TRABD2B: variants seen among roughly 807,000 people sequenced by gnomAD.
TRABD2B encodes TraB domain containing 2B, also known as metalloprotease TIKI2.
A neutral mutation model predicts 40.1 loss-of-function variants in TRABD2B; 14 were observed. The ratio of observed to expected loss-of-function variants is 0.35; its 90% CI spans 0.23 to 0.55. The LOEUF (loss-of-function observed/expected upper bound fraction) is 0.55. Ranked by LOEUF, TRABD2B falls within the 20% of genes least tolerant of loss-of-function variation. The pLI is 0.90. For synonymous variants in TRABD2B, 263 were observed against 277.0 expected (o/e 0.95, Z 0.50); for missense variants, 541 against 648.6 (o/e 0.83, Z 1.80).
At chr1:47,773,190 C>T (rs1205288618) in intron 6 of TRABD2B, among the ~76,000 whole-genome samples, 4 of 152,198 alleles carry the variant, frequency 2.6e-5, no homozygotes, top group African/African-American at 9.6e-5. Flanking sequence ...GAGTGACCAG[C>T]CTAATTGGAA....
At chr1:47,838,944 C>T (rs760579372) in intron 2 of TRABD2B, among the ~76,000 whole-genome samples, 7 of 152,192 alleles carry the variant, frequency 4.6e-5, no homozygotes, top group Admixed American at 2.6e-4. Flanking sequence ...AGCTGGCTTG[C>T]GGCCTGGGCT....
chr1:47,974,287 T>G (rs1645723442), intron 2 of TRABD2B, among the ~76,000 whole-genome samples: 3 of 152,110 alleles, frequency 2.0e-5, no homozygotes. Context: ...AGTTACATCC[T>G]TTCTGTCCCT....
chr1:47,880,379 C>T (rs1049561417), intron 2 of TRABD2B, among the ~76,000 whole-genome samples: 14 of 152,138 alleles, frequency 9.2e-5, no homozygotes, highest in South Asian at 2.1e-4. Flanking sequence ...ATCAACCAAT[C>T]GATCATTCAG....
intron 4 of TRABD2B, among the ~76,000 whole-genome samples, chr1:47,780,572 C>A (rs1307072543): frequency 6.6e-6 from 1 of 152,098 alleles, no homozygotes; most frequent in Admixed American, 6.5e-5. Flanking sequence ...ACACAGGAGG[C>A]TGTGAGGGCA....
intron 2 of TRABD2B, among the ~76,000 whole-genome samples, chr1:47,836,057 G>A (rs1645314458): frequency 6.6e-6 from 1 of 152,066 alleles, no homozygotes; most frequent in Admixed American, 6.5e-5. Context: ...GAGCTACACA[G>A]AAAAAGTTTT....
chr1:47,953,862 GCT>G (rs1645380598), intron 2 of TRABD2B, among the ~76,000 whole-genome samples: 1 of 152,194 alleles, frequency 6.6e-6, no homozygotes, highest in Non-Finnish European at 1.5e-5. Context: ...GTGCTCCAGT[GCT>G]CTTTCTAGTA....
At chr1:47,805,144 A>G (rs1362679584) in intron 2 of TRABD2B, among the ~76,000 whole-genome samples, 1 of 151,984 alleles carries the variant, frequency 6.6e-6, no homozygotes, top group Non-Finnish European at 1.5e-5. Context: ...AGTGGACTCA[A>G]CCCCAACTCT....
chr1:47,820,591 G>A (rs1252656809), intron 2 of TRABD2B, among the ~76,000 whole-genome samples: 1 of 152,128 alleles, frequency 6.6e-6, no homozygotes, highest in Non-Finnish European at 1.5e-5. Context: ...CCTGGCTACC[G>A]GGGCATCCTT....
At chr1:47,932,278 G>C (rs1645049394) in intron 2 of TRABD2B, among the ~76,000 whole-genome samples, 1 of 152,146 alleles carries the variant, frequency 6.6e-6, no homozygotes, top group South Asian at 2.1e-4. Flanking sequence ...AGCTGGGTGG[G>C]ATTCCCTGGA....
chr1:47,909,093 C>A (rs1466975020), intron 2 of TRABD2B, among the ~76,000 whole-genome samples: 1 of 152,244 alleles, frequency 6.6e-6, no homozygotes, highest in Admixed American at 6.5e-5. Context: ...CTGACCTTGG[C>A]TCCTGCCATT....
At chr1:47,879,594 C>G (rs1644273475) in intron 2 of TRABD2B, among the ~76,000 whole-genome samples, 1 of 152,222 alleles carries the variant, frequency 6.6e-6, no homozygotes, top group African/African-American at 2.4e-5. Context: ...GACTCTATAC[C>G]TGTGGAAAAT....
intron 4 of TRABD2B, among the ~76,000 whole-genome samples, chr1:47,790,417 C>G (rs1022029625): frequency 2.0e-5 from 3 of 152,184 alleles, no homozygotes; most frequent in African/African-American, 7.2e-5. Context: ...CTGGGCCCCC[C>G]CAGCATCACC....
chr1:47,963,464 G>A (rs1002650851), intron 2 of TRABD2B, among the ~76,000 whole-genome samples: 22 of 152,174 alleles, frequency 1.4e-4, no homozygotes, highest in Admixed American at 6.5e-4. Flanking sequence ...AAAAGAGCAG[G>A]CCCTTGCTTT....
intron 2 of TRABD2B, among the ~76,000 whole-genome samples, chr1:47,865,234 C>T (rs915673041): frequency 2.0e-5 from 3 of 152,148 alleles, no homozygotes; most frequent in East Asian, 1.9e-4. Flanking sequence ...GCCTCCTCTC[C>T]GCTTGCAGCT....
At position 47,914,185 on chromosome 1, in the gene TRABD2B, G is replaced by A. The variant is rs144463110; in HGVS notation, c.666+79849C>T. On this transcript the variant is annotated intron_variant, in intron 2 of 6. Coordinates refer to ENST00000606738, the MANE Select transcript of TRABD2B (RefSeq NM_001194986.2). ...ATTCCAGCACCTGGCAGGTGACGTC[G>A]TGAGCCCCAGTCCCAAAGATTACAA... Among the ~76,000 whole-genome samples the A allele has an allele frequency of 5.9e-5, 9 of 152,348 alleles. No homozygotes were observed. In the East Asian group the frequency reaches 9.6e-4, roughly 16 times the overall value.
intron 2 of TRABD2B, among the ~76,000 whole-genome samples, chr1:47,978,497 CA>C (rs945407538): frequency 3.9e-5 from 6 of 152,196 alleles, no homozygotes; most frequent in Admixed American, 3.3e-4. Flanking sequence ...GGCAACCCAG[CA>C]CAGGCCCAGA....
At chr1:47,794,402 G>A (rs76931996) in intron 4 of TRABD2B, among the ~76,000 whole-genome samples, 184 bp downstream of exon 4, 3,947 of 152,252 alleles carry the variant, frequency 0.026, 129 homozygotes, top group Admixed American at 0.093. Flanking sequence ...GGACCGTTAT[G>A]GAAGAACCCT....
chr1:47,967,003 A>C (rs1265284043), intron 2 of TRABD2B, among the ~76,000 whole-genome samples: 1 of 152,168 alleles, frequency 6.6e-6, no homozygotes, highest in East Asian at 1.9e-4. Context: ...AAGTTGAACA[A>C]ATCTTAAAAA....
chr1:47,801,974 G>A (rs1250823304), intron 2 of TRABD2B, among the ~76,000 whole-genome samples: 1 of 152,202 alleles, frequency 6.6e-6, no homozygotes, highest in African/African-American at 2.4e-5. Flanking sequence ...GTGCTTAAAA[G>A]TGCATGAATT....
Sources: allele counts gnomAD v4.1 joint callset (sites outside exome capture counted in the v4.1 genomes callset), GRCh38; gene constraint gnomAD v4.1.1; transcripts MANE v1.5; gene names NCBI Gene and HGNC (gene_info 2026-07-23, HGNC 2026-07-21).